Variants in DHRS3 observed in about 807,000 individuals in gnomAD.
DHRS3 encodes short-chain dehydrogenase/reductase 3.
A neutral mutation model predicts 27.2 loss-of-function variants in DHRS3; 14 were observed. The observed-to-expected ratio is 0.52, with a 90% CI of 0.34 to 0.81. DHRS3 has a LOEUF of 0.81. Ranked by LOEUF, DHRS3 falls within the 30% of genes least tolerant of loss-of-function variation. The pLI is 0.01. For synonymous variants in DHRS3, 165 were observed against 175.9 expected (o/e 0.94, Z 0.49); for missense variants, 322 against 406.2 (o/e 0.79, Z 1.78).
intron 1 of DHRS3, among the ~76,000 whole-genome samples, chr1:12,603,093 A>G (rs1570395406): frequency 6.6e-6 from 1 of 152,210 alleles, no homozygotes; most frequent in East Asian, 1.9e-4. Flanking sequence ...CAGAGCTTCT[A>G]GCTTGTGGGC....
chr1:12,605,220 C>T (rs1319799860), intron 1 of DHRS3, among the ~76,000 whole-genome samples: 2 of 152,248 alleles, frequency 1.3e-5, no homozygotes, highest in East Asian at 3.9e-4. Flanking sequence ...ATGTATATTA[C>T]CATGGTCATG....
intron 1 of DHRS3, among the ~76,000 whole-genome samples, chr1:12,582,544 A>G (rs1196409556): frequency 6.6e-6 from 1 of 152,184 alleles, no homozygotes; most frequent in African/African-American, 2.4e-5. Flanking sequence ...TTGTCTGTTG[A>G]ACTAAAAACA....
intron 5 of DHRS3, among the ~76,000 whole-genome samples, chr1:12,569,227 TCTCTCACACA>T (rs1646512638): frequency 7.4e-6 from 1 of 135,920 alleles, no homozygotes; most frequent in Admixed American, 7.3e-5. Flanking sequence ...CCTCTCTCTC[TCTCTCACACA>T]CACACACACA....
chr1:12,590,436 G>A (rs1646735839), intron 1 of DHRS3, among the ~76,000 whole-genome samples: 1 of 151,970 alleles, frequency 6.6e-6, no homozygotes, highest in Non-Finnish European at 1.5e-5. Flanking sequence ...TCAGCCTCCC[G>A]AGTAGCTGGG....
intron 1 of DHRS3, among the ~76,000 whole-genome samples, chr1:12,598,902 C>T (rs1000847913): frequency 6.6e-6 from 1 of 152,200 alleles, no homozygotes; most frequent in Non-Finnish European, 1.5e-5. Context: ...GAATTCAGCT[C>T]TTGTTTTGGA....
At chr1:12,601,218 A>G (rs1176930297) in intron 1 of DHRS3, among the ~76,000 whole-genome samples, 1 of 151,916 alleles carries the variant, frequency 6.6e-6, no homozygotes, top group African/African-American at 2.4e-5. Context: ...CCCAAACCCT[A>G]TGGCTTGGCT....
chr1:12,576,561 TA>T (rs1185862824), intron 4 of DHRS3, among the ~76,000 whole-genome samples: 14 of 142,864 alleles, frequency 9.8e-5, no homozygotes, highest in South Asian at 2.3e-4. Flanking sequence ...GATTCCGTCT[TA>T]AAAAAAAAAA....
intron 1 of DHRS3, among the ~76,000 whole-genome samples, chr1:12,583,338 T>A (rs1646661798): frequency 6.9e-6 from 1 of 144,270 alleles, no homozygotes; most frequent in African/African-American, 2.6e-5. Flanking sequence ...CATCCATCCA[T>A]CCATCCATCC....
At position 12,575,031 on chromosome 1, in the gene DHRS3, G is replaced by A. The variant is rs1055350793; in HGVS notation, c.699-2178C>T. Among the ~76,000 whole-genome samples the A allele has an allele frequency of 2.6e-5, 4 of 152,148 alleles. No homozygotes were observed. The East Asian group carries it at 7.7e-4, about 29-fold the overall frequency. On this transcript the variant is annotated intron_variant, in intron 4 of 5. Transcript: ENST00000616661. ...TAGGTGGTTCTATGGCTGGAACATCGAAGAGGCTCAATTGGCTGGGCGTGG... is the reference window on the plus strand; with the variant it reads ...TAGGTGGTTCTATGGCTGGAACATCAAAGAGGCTCAATTGGCTGGGCGTGG...
intron 1 of DHRS3, among the ~76,000 whole-genome samples, chr1:12,601,802 C>A (rs1646837594): frequency 6.6e-6 from 1 of 152,272 alleles, no homozygotes; most frequent in South Asian, 2.1e-4. Flanking sequence ...TCTCAGAGTC[C>A]TGTTGGTAAG....
intron 1 of DHRS3, among the ~76,000 whole-genome samples, chr1:12,609,228 A>G (rs940837963): frequency 2.6e-5 from 4 of 152,146 alleles, no homozygotes; most frequent in Non-Finnish European, 4.4e-5. Context: ...CTTGTTTATG[A>G]GGTTCCCTGC....
chr1:12,585,265 GTCTCTCTGTGTCTGTGTGTGTCTC>G (rs1646686329), intron 1 of DHRS3, among the ~76,000 whole-genome samples: 6 of 151,880 alleles, frequency 4.0e-5, no homozygotes, highest in African/African-American at 9.7e-5. Flanking sequence ...CTGAGTGTGT[GTCTCTCTGTGTCTGTGTGTGTCTC>G]TCTATGTGAG....
intron 1 of DHRS3, among the ~76,000 whole-genome samples, chr1:12,604,334 G>A (rs559386638): frequency 7.5e-4 from 115 of 152,330 alleles, no homozygotes; most frequent in African/African-American, 2.7e-3. Flanking sequence ...CACACTGGTT[G>A]TCAAATGAAA....
rs532920991 is a variant in DHRS3, at chr1:12,594,087, C to A, written c.196-13421G>T. Among the ~76,000 whole-genome samples the A allele has an allele frequency of 6.6e-6, 1 of 152,242 alleles. No individual in the cohort carries two copies. The highest frequency in any genetic ancestry group is 2.4e-5 in the African/African-American group (1 of 41,540). On this transcript the variant is annotated intron_variant, in intron 1 of 5. Transcript: ENST00000616661. The surrounding 1 kb of genome is among the most constrained non-coding windows in gnomAD (Gnocchi z 4.1). ...GCTGGGTGACCTTGGGGTGGGGGTG[C>A]CAAGGAGAGGAGGGAGGAGCCAGCA...
At chr1:12,569,558 T>TA (rs1370691006) in intron 5 of DHRS3, among the ~76,000 whole-genome samples, 2 of 152,132 alleles carry the variant, frequency 1.3e-5, no homozygotes, top group African/African-American at 4.8e-5. Context: ...TTTTTTTATT[T>TA]ATTTTTATGT....
intron 1 of DHRS3, among the ~76,000 whole-genome samples, chr1:12,588,864 G>C (rs1646721563): frequency 6.6e-6 from 1 of 152,238 alleles, no homozygotes; most frequent in African/African-American, 2.4e-5. Flanking sequence ...TGAAAGATCT[G>C]AGACCCTGGG....
intron 1 of DHRS3, among the ~76,000 whole-genome samples, chr1:12,609,199 AGTGTCAC>A (rs1646890505): frequency 6.6e-6 from 1 of 152,166 alleles, no homozygotes; most frequent in African/African-American, 2.4e-5. Context: ...AAGAACACTA[AGTGTCAC>A]AAGGAGAGAA....
chr1:12,580,147 T>C (rs1646630716), intron 2 of DHRS3: 4 of 330,154 alleles, frequency 1.2e-5, no homozygotes, highest in South Asian at 8.2e-5. Context: ...ACAGTTAACA[T>C]TACCACGTGC....
chr1:12,576,989 A>G (rs991571316), intron 4 of DHRS3, among the ~76,000 whole-genome samples: 1 of 151,692 alleles, frequency 6.6e-6, no homozygotes, highest in East Asian at 1.9e-4. Flanking sequence ...TTGATTCTCA[A>G]CAATCAACAC....
Sources: allele counts gnomAD v4.1 joint callset (sites outside exome capture counted in the v4.1 genomes callset), GRCh38; gene constraint gnomAD v4.1.1; non-coding constraint Gnocchi (gnomAD v3.1); transcripts MANE v1.5; gene names NCBI Gene and HGNC (gene_info 2026-07-23, HGNC 2026-07-21).